OSBPL8: variants seen among roughly 807,000 people sequenced by gnomAD.
OSBPL8 encodes oxysterol binding protein like 8, also known as oxysterol-binding protein-related protein 8.
In OSBPL8, 59 loss-of-function variants were observed where a neutral mutation model predicts 125.5. That is an observed-to-expected ratio of 0.47 (90% CI 0.38 to 0.58). The LOEUF is 0.58. Ranked by LOEUF, OSBPL8 falls within the 20% of genes least tolerant of loss-of-function variation. OSBPL8 has a pLI of 0.00. For missense variants in OSBPL8, 758 were observed against 1,047.8 expected (o/e 0.72, Z 3.82); for synonymous variants, 330 against 338.9 (o/e 0.97, Z 0.29).
At chr12:76,472,924 TC>T (rs1235591558) in intron 2 of OSBPL8, among the ~76,000 whole-genome samples, 1 of 151,676 alleles carries the variant, frequency 6.6e-6, no homozygotes, top group South Asian at 2.1e-4. Context: ...TTCTCTAAAC[TC>T]CCCCGGGGAA....
At chr12:76,378,403 TACTTA>T (rs1382941850) in intron 16 of OSBPL8, 44 bp downstream of exon 16, 7 of 1,269,712 alleles carry the variant, frequency 5.5e-6, no homozygotes, top group Non-Finnish European at 5.5e-6. Flanking sequence ...TACATACATT[TACTTA>T]AAAGGAAAGC....
chr12:76,477,774 A>AGG (rs529019539), intron 2 of OSBPL8, among the ~76,000 whole-genome samples: 178 of 152,212 alleles, frequency 1.2e-3, no homozygotes, highest in African/African-American at 4.1e-3. Flanking sequence ...TAATAGGCGA[A>AGG]GGGGGGGTAC....
chr12:76,369,190 T>C, intron 21 of OSBPL8, 24 bp downstream of exon 21: 2 of 1,597,204 alleles, frequency 1.3e-6, no homozygotes, highest in Non-Finnish European at 1.7e-6. Flanking sequence ...ATATACCTAG[T>C]GTACCTAGTT....
At position 76,355,987 on chromosome 12, in the gene OSBPL8, T is replaced by C. The variant is rs1427838379; in HGVS notation, c.2572A>G (p.Ser858Gly). The change falls in exon 24 of 24, where the codon AGC becomes GGC. Residue 858 changes from serine to glycine, a missense_variant. Ser to Gly is a moderately conservative substitution (Grantham distance 56, BLOSUM62 0). This residue lies in a region of OSBPL8 where 572 missense variants were observed against 762.0 expected (regional missense o/e 0.75). Coordinates refer to ENST00000261183, the MANE Select transcript of OSBPL8 (RefSeq NM_020841.5). ...IMALRNHLVS[S>G]TPATDYFLQQ... is the part of the protein sequence containing the mutation. The stretch of plus-strand genomic sequence containing the variant: ...AGAAAATAATCCGTGGCCGGTGTGC[T>C]TGAAACTAAATGATTTCGAAGAGCC... The C allele has an allele frequency of 8.7e-6, 14 of 1,613,036 alleles. No individual in the cohort carries two copies. The highest frequency in any genetic ancestry group is 1.2e-5 in the Non-Finnish European group (14 of 1,179,488).
At chr12:76,466,888 G>A (rs773091847) in intron 2 of OSBPL8, among the ~76,000 whole-genome samples, 3 of 151,820 alleles carry the variant, frequency 2.0e-5, no homozygotes, top group Admixed American at 2.0e-4. Flanking sequence ...TGAACCCGGG[G>A]GCGGGGGCGG....
At chr12:76,369,523 C>T in intron 20 of OSBPL8, 114 bp downstream of exon 20, 1 of 1,329,164 alleles carries the variant, frequency 7.5e-7, no homozygotes, top group Non-Finnish European at 1.0e-6. Flanking sequence ...AAATCTCACA[C>T]TAATATACAT....
At chr12:76,363,496 T>C (rs1222380648) in intron 21 of OSBPL8, among the ~76,000 whole-genome samples, 1 of 152,116 alleles carries the variant, frequency 6.6e-6, no homozygotes, top group Admixed American at 6.5e-5. Context: ...TTACACCTTA[T>C]ACAAAAATTA....
At chr12:76,375,736 T>G (rs1204950349) in intron 16 of OSBPL8, among the ~76,000 whole-genome samples, 1 of 113,210 alleles carries the variant, frequency 8.8e-6, no homozygotes, top group African/African-American at 2.8e-5. Context: ...GCTCCCACAT[T>G]GTTTTAAAAA....
intron 1 of OSBPL8, among the ~76,000 whole-genome samples, chr12:76,516,801 CCTTTT>C (rs200389718): frequency 0.045 from 6,809 of 149,842 alleles, 342 homozygotes; most frequent in African/African-American, 0.13. Flanking sequence ...CCATTTCTTT[CCTTTT>C]CTTTTCTTTT....
Position 76,478,189 on chromosome 12 carries a change from G to A in OSBPL8, c.42+9321C>T, listed in dbSNP as rs890589433. Among the ~76,000 whole-genome samples the A allele has an allele frequency of 1.2e-4, 18 of 151,998 alleles. No homozygotes were observed. The East Asian group carries it at 3.5e-3, about 29-fold the overall frequency. On this transcript the variant is annotated intron_variant, in intron 2 of 23. Transcript: ENST00000261183. ...TGCACTCCAGCCTAGGCAACAGAGC[G>A]AGACTCCATCTAAAAAAAAAAGAAT...
intron 2 of OSBPL8, among the ~76,000 whole-genome samples, chr12:76,482,904 G>T (rs963170666): frequency 3.9e-5 from 6 of 152,168 alleles, no homozygotes; most frequent in African/African-American, 1.4e-4. Context: ...AAGACAAACA[G>T]CACTACCAGA....
chr12:76,455,470 T>A (rs559410941), intron 3 of OSBPL8, among the ~76,000 whole-genome samples: 2 of 152,228 alleles, frequency 1.3e-5, no homozygotes, highest in African/African-American at 4.8e-5. Flanking sequence ...AACATAGGTG[T>A]CCATGTCTTG....
intron 2 of OSBPL8, among the ~76,000 whole-genome samples, chr12:76,476,977 C>G (rs1876886136): frequency 6.6e-6 from 1 of 152,124 alleles, no homozygotes; most frequent in Non-Finnish European, 1.5e-5. Flanking sequence ...AGTCAAAAAA[C>G]TGCTGAAAGG....
At position 76,358,825 on chromosome 12, in the gene OSBPL8, T is replaced by C; in HGVS notation, c.2329-14A>G. 4.4e-6 allele frequency: 7 copies of C among 1,604,828 alleles called. No individual in the cohort carries two copies. The highest frequency in any genetic ancestry group is 6.0e-6 in the Non-Finnish European group (7 of 1,171,742). On this transcript the variant is annotated splice_polypyrimidine_tract_variant and intron_variant, in intron 21 of 23. Transcript: ENST00000261183. ...GGGGACGCTAACCTAAAGAAAAAAA[T>C]AACTATTTTGTGAATTTGCACTGTA...
Position 76,514,840 on chromosome 12 carries a change from T to C in OSBPL8, c.-67-27222A>G, listed in dbSNP as rs1881371934. On this transcript the variant is annotated intron_variant, in intron 1 of 23. Coordinates refer to ENST00000261183, the MANE Select transcript of OSBPL8 (RefSeq NM_020841.5). ...CATAATCCCATACTTCTCGAAGCTT[T>C]TGTTCATTCCTTTTAACTCTTTTTT... Among the ~76,000 whole-genome samples the C allele has an allele frequency of 2.0e-5, 3 of 152,212 alleles. No homozygotes were observed. The South Asian group carries it at 6.2e-4, about 32-fold the overall frequency.
chr12:76,453,279 C>A (rs938044546), intron 3 of OSBPL8, among the ~76,000 whole-genome samples: 1 of 152,018 alleles, frequency 6.6e-6, no homozygotes. Flanking sequence ...GTCAATAAAC[C>A]AACTTTATAT....
At chr12:76,456,956 T>C (rs1040616241) in intron 3 of OSBPL8, among the ~76,000 whole-genome samples, 1 of 152,226 alleles carries the variant, frequency 6.6e-6, no homozygotes, top group Non-Finnish European at 1.5e-5. Flanking sequence ...TCTTGTAATG[T>C]CATGGCCTTT....
At chr12:76,500,281 C>A (rs192739840) in intron 1 of OSBPL8, among the ~76,000 whole-genome samples, 7 of 152,296 alleles carry the variant, frequency 4.6e-5, no homozygotes, top group African/African-American at 1.7e-4. Flanking sequence ...TACACCAGTG[C>A]CTTCATAGAT....
At chr12:76,524,474 T>A (rs753893208) in intron 1 of OSBPL8, among the ~76,000 whole-genome samples, 1 of 152,116 alleles carries the variant, frequency 6.6e-6, no homozygotes, top group Non-Finnish European at 1.5e-5. Flanking sequence ...CCAAATGTTT[T>A]CCATACACCA....
Sources: allele counts gnomAD v4.1 joint callset (sites outside exome capture counted in the v4.1 genomes callset), GRCh38; gene constraint gnomAD v4.1.1; regional missense constraint gnomAD v4.1.1; transcripts MANE v1.5; gene names NCBI Gene and HGNC (gene_info 2026-07-23, HGNC 2026-07-21).